Variants in SMARCA5 observed in about 807,000 individuals in gnomAD.
The protein encoded by SMARCA5 is SWI/SNF-related matrix-associated actin-dependent regulator of chromatin subfamily A member 5.
A neutral mutation model predicts 140.4 loss-of-function variants in SMARCA5; 18 were observed. The observed-to-expected ratio is 0.13, with a 90% CI of 0.09 to 0.19. The LOEUF is 0.19. Ranked by LOEUF, SMARCA5 falls within the 10% of genes least tolerant of loss-of-function variation. The probability of loss-of-function intolerance (pLI) is 1.00; values close to 1 mark genes in which losing one functional copy is unlikely to be tolerated. For missense variants in SMARCA5, 606 were observed against 1,276.8 expected (o/e 0.47, Z 8.01); for synonymous variants, 449 against 419.6 (o/e 1.07, Z -0.86).
chr4:143,544,617 CAT>C (rs753623312), intron 16 of SMARCA5, 118 bp from the exon 17 acceptor site: 23 of 617,414 alleles, frequency 3.7e-5, no homozygotes, highest in Non-Finnish European at 6.6e-5. Context: ...TCTCCACCCT[CAT>C]AGAGCTTATA....
intron 9 of SMARCA5, among the ~76,000 whole-genome samples, chr4:143,534,055 G>C (rs1312944933): frequency 6.6e-6 from 1 of 151,940 alleles, no homozygotes; most frequent in Admixed American, 6.6e-5. Flanking sequence ...TTTTCCCAAC[G>C]GCATGTGTTT....
At chr4:143,528,862 C>T in intron 8 of SMARCA5, 148 bp downstream of exon 8, 1 of 565,148 alleles carries the variant, frequency 1.8e-6, no homozygotes, top group Non-Finnish European at 2.9e-6. Context: ...CTGGTGTTAT[C>T]TCCTAGGTTG....
chr4:143,526,135 A>G, intron 5 of SMARCA5, 146 bp from the exon 6 acceptor site: 3 of 663,816 alleles, frequency 4.5e-6, no homozygotes, highest in Non-Finnish European at 7.7e-6. Flanking sequence ...ACACTTACAA[A>G]CTTTGATATA....
chr4:143,547,783 A>G (rs1737562062), intron 21 of SMARCA5, 145 bp from the exon 22 acceptor site: 1 of 555,166 alleles, frequency 1.8e-6, no homozygotes, highest in Non-Finnish European at 3.2e-6. Flanking sequence ...TTTCGGGACA[A>G]AGATTATATA....
chr4:143,516,356 C>T (rs1736831936), intron 1 of SMARCA5, among the ~76,000 whole-genome samples: 1 of 151,950 alleles, frequency 6.6e-6, no homozygotes, highest in African/African-American at 2.4e-5. Context: ...TGGAACTCTT[C>T]TGTGTTCATC....
intron 13 of SMARCA5, among the ~76,000 whole-genome samples, chr4:143,539,723 A>G (rs1438503196): frequency 6.6e-6 from 1 of 151,938 alleles, no homozygotes; most frequent in Non-Finnish European, 1.5e-5. Context: ...TTTAGTAGAG[A>G]TGGGGTTTCA....
intron 2 of SMARCA5, 78 bp from the exon 3 acceptor site, chr4:143,521,351 G>T: frequency 3.2e-6 from 3 of 933,824 alleles, no homozygotes; most frequent in Non-Finnish European, 5.0e-6. Context: ...TTCATTGTAT[G>T]GAGGCATGCT....
intron 2 of SMARCA5, among the ~76,000 whole-genome samples, chr4:143,517,831 A>G (rs895401605): frequency 6.6e-6 from 1 of 152,216 alleles, no homozygotes; most frequent in Non-Finnish European, 1.5e-5. Flanking sequence ...AGGGGGACAC[A>G]GTCAAACCAT....
intron 13 of SMARCA5, 67 bp from the exon 14 acceptor site, chr4:143,540,296 G>A: frequency 1.6e-6 from 2 of 1,262,090 alleles, no homozygotes; most frequent in Non-Finnish European, 2.2e-6. Context: ...TTTTCTCAGT[G>A]TACCCATTTC....
At chr4:143,544,479 A>C in intron 16 of SMARCA5, 1 of 277,644 alleles carries the variant, frequency 3.6e-6, no homozygotes, top group East Asian at 6.7e-5. Flanking sequence ...ATTTATACCA[A>C]ACATTCTGTA....
In SMARCA5 at chr4:143,521,577, A is replaced by G; in HGVS notation, c.401A>G (p.Asn134Ser). The G allele has an allele frequency of 1.2e-6, 2 of 1,612,980 alleles. No individual in the cohort carries two copies. The highest frequency in any genetic ancestry group is 8.5e-7 in the Non-Finnish European group (1 of 1,179,644). ...CGAATAAAAAAAGATGAGAAGCAGA[A>G]CTTACTATCCGTTGGCGAGTGAGTA... The part of the protein sequence containing the change: ...RPRIKKDEKQ[N>S]LLSVGDYRHR... The change falls in exon 3 of 24, where the codon AAC becomes AGC. Residue 134 changes from asparagine to serine, a missense_variant. Physicochemically the swap from Asn to Ser is conservative, Grantham distance 46. Around this residue, in one of 10 missense-constraint regions of SMARCA5, gnomAD observed 110 missense variants for 287.7 expected, o/e 0.38. Transcript: ENST00000283131.
intron 10 of SMARCA5, 118 bp downstream of exon 10, chr4:143,535,082 T>G (rs1313058754): frequency 1.5e-6 from 1 of 672,176 alleles, no homozygotes; most frequent in East Asian, 3.0e-5. Context: ...GAACTCAACC[T>G]GAAAAGAGTT....
At chr4:143,546,671 A>T (rs548904691) in intron 19 of SMARCA5, 105 bp from the exon 20 acceptor site, 1 of 1,040,604 alleles carries the variant, frequency 9.6e-7, no homozygotes, top group African/African-American at 1.6e-5. Context: ...AGAACTTAAT[A>T]AACTAGTGAA....
intron 13 of SMARCA5, among the ~76,000 whole-genome samples, chr4:143,539,894 T>A (rs1737395056): frequency 6.6e-6 from 1 of 152,194 alleles, no homozygotes; most frequent in South Asian, 2.1e-4. Flanking sequence ...ATGGACCAAT[T>A]ATTAGAAATA....
At chr4:143,518,081 T>G (rs1052064633) in intron 2 of SMARCA5, among the ~76,000 whole-genome samples, 5 of 152,188 alleles carry the variant, frequency 3.3e-5, no homozygotes, top group Non-Finnish European at 5.9e-5. Flanking sequence ...TGCACTTGAC[T>G]AGCATTGTAC....
chr4:143,521,279 T>C (rs1736952309), intron 2 of SMARCA5, 150 bp from the exon 3 acceptor site: 3 of 569,198 alleles, frequency 5.3e-6, no homozygotes, highest in African/African-American at 3.8e-5. Context: ...TCACTTTGCA[T>C]AGTGCTTTTG....
chr4:143,555,185 A>G lies in SMARCA5; in HGVS notation c.*2001A>G. On this transcript the variant is annotated 3_prime_UTR_variant, in exon 24 of 24. Coordinates refer to ENST00000283131, the MANE Select transcript of SMARCA5 (RefSeq NM_003601.4). ...GCCACCTTGGTATCGTGGTTTGGCA[A>G]AGTATTGGCCTCTACCACCATAGGG... 2.7e-6 allele frequency: 2 copies of G among 732,294 alleles called. No homozygotes were observed. Among genetic ancestry groups the G allele is most frequent in the Non-Finnish European group, 5.0e-6 (2 of 401,084 alleles). 45.4% of individuals were successfully genotyped at this position (732,294 alleles called of 1,614,324 possible).
chr4:143,539,661 C>G (rs188102943), intron 13 of SMARCA5, among the ~76,000 whole-genome samples: 1 of 151,982 alleles, frequency 6.6e-6, no homozygotes, highest in African/African-American at 2.4e-5. Context: ...CTCAGCCTCC[C>G]GAGTAGCTGG....
At chr4:143,545,620 C>T (rs1338348538) in intron 18 of SMARCA5, 37 bp downstream of exon 18, 1 of 1,228,360 alleles carries the variant, frequency 8.1e-7, no homozygotes, top group Non-Finnish European at 1.2e-6. Context: ...TCATTCCTAT[C>T]CAGAAATTAT....
Sources: gnomAD v4.1 joint callset for allele counts (sites outside exome capture counted in the v4.1 genomes callset) on GRCh38, gnomAD v4.1.1 for gene constraint, gnomAD v4.1.1 regional missense constraint, MANE v1.5 for transcripts, NCBI Gene and HGNC (gene_info 2026-07-23, HGNC 2026-07-21) for gene names.